FRMPD4: variants seen among roughly 807,000 people sequenced by gnomAD.
The protein encoded by FRMPD4 is FERM and PDZ domain-containing protein 4.
Under a neutral mutation model 94.1 loss-of-function variants are expected in FRMPD4, and 22 were observed. The ratio of observed to expected loss-of-function variants is 0.23; its 90% CI spans 0.17 to 0.33. The LOEUF (loss-of-function observed/expected upper bound fraction) is 0.33. FRMPD4 is among the 10% of genes least tolerant of loss of function. FRMPD4 has a pLI of 1.00. For missense variants in FRMPD4, 1,111 were observed against 1,339.9 expected, an observed-to-expected ratio of 0.83 and a Z score of 2.67; for synonymous variants, 631 against 548.6, an observed-to-expected ratio of 1.15 and a Z score of -2.10.
chrX:12,234,882 G>C (rs2057054394), intron 1 of FRMPD4, among the ~76,000 whole-genome samples: 1 of 111,673 alleles, frequency 9.0e-6, no homozygotes, highest in South Asian at 3.8e-4. Context: ...TCTAAATTTA[G>C]CTTTAAAACT....
intron 2 of FRMPD4, among the ~76,000 whole-genome samples, chrX:12,500,271 A>AT (rs1212373561): frequency 8.9e-6 from 1 of 111,846 alleles, no homozygotes; most frequent in Non-Finnish European, 1.9e-5. Flanking sequence ...TTATGGACTG[A>AT]TTAGCCAAAC....
intron 3 of FRMPD4, among the ~76,000 whole-genome samples, chrX:12,130,684 G>A (rs1257730907): frequency 9.0e-6 from 1 of 110,806 alleles, no homozygotes; most frequent in Non-Finnish European, 1.9e-5. Context: ...CTTCCTTAAA[G>A]TTCACCCTCA....
chrX:11,856,331 G>T (rs1270596088), intron 1 of FRMPD4, among the ~76,000 whole-genome samples: 1 of 111,800 alleles, frequency 8.9e-6, no homozygotes, highest in Non-Finnish European at 1.9e-5. Flanking sequence ...ACTGAAACCA[G>T]CAGCACAGCA....
chrX:11,949,624 A>C (rs1310944993), intron 3 of FRMPD4, among the ~76,000 whole-genome samples: 1 of 111,384 alleles, frequency 9.0e-6, no homozygotes, highest in Non-Finnish European at 1.9e-5. Context: ...GGGAAGTGGA[A>C]TGTTTTTCCT....
At chrX:12,521,909 T>TA (rs59419702) in intron 2 of FRMPD4, among the ~76,000 whole-genome samples, 38,802 of 101,286 alleles carry the variant, frequency 0.38, 6,297 homozygotes, top group African/African-American at 0.6. Flanking sequence ...TGAAGAAAGA[T>TA]AAAAAAAAAA....
intron 1 of FRMPD4, among the ~76,000 whole-genome samples, chrX:12,212,967 A>C (rs1016732728): frequency 1.8e-5 from 2 of 111,263 alleles, no homozygotes; most frequent in African/African-American, 6.5e-5. Flanking sequence ...TCTTTCATGT[A>C]AATTGTACCC....
chrX:12,681,979 G>A lies in FRMPD4; in HGVS notation c.469-1504G>A, dbSNP rs776752645. 2.3e-4 allele frequency among the ~76,000 whole-genome samples: 25 copies of A among 111,040 alleles called. 1 individual carries two copies. The highest frequency in any genetic ancestry group is 3.8e-4 in the Admixed American group (4 of 10,424). ...CCTCATTCTCCTCCACCCCCAGCCC[G>A]TGGCAACTACTAATCTACTTTTTGT... On this transcript the variant is annotated intron_variant, in intron 5 of 16. Coordinates refer to ENST00000675598, the MANE Select transcript of FRMPD4 (RefSeq NM_001368397.1).
intron 4 of FRMPD4, among the ~76,000 whole-genome samples, chrX:12,638,118 C>A (rs959626212): frequency 8.9e-6 from 1 of 112,413 alleles, no homozygotes; most frequent in Admixed American, 9.4e-5. Flanking sequence ...TTACACTAGA[C>A]ACACTTTTAT....
At chrX:12,344,011 T>C (rs143009524) in intron 1 of FRMPD4, among the ~76,000 whole-genome samples, 101 of 112,349 alleles carry the variant, frequency 9.0e-4, no homozygotes, top group Middle Eastern at 4.6e-3. Flanking sequence ...TTGGAAAAGG[T>C]ACTGTGTGAC....
intron 1 of FRMPD4, among the ~76,000 whole-genome samples, chrX:12,340,599 T>TC (rs754585677): frequency 3.7e-4 from 41 of 111,794 alleles, no homozygotes; most frequent in African/African-American, 1.3e-3. Context: ...TCGGCCACTG[T>TC]CCCCTACCTT....
chrX:11,907,365 C>A (rs1293040755), intron 3 of FRMPD4, among the ~76,000 whole-genome samples: 1 of 111,184 alleles, frequency 9.0e-6, no homozygotes, highest in African/African-American at 3.3e-5. Flanking sequence ...TTATTGAAAC[C>A]TGGATAGAAG....
intron 1 of FRMPD4, among the ~76,000 whole-genome samples, chrX:12,333,897 A>G (rs1416546901): frequency 8.9e-6 from 1 of 112,096 alleles, no homozygotes; most frequent in Non-Finnish European, 1.9e-5. Flanking sequence ...AGACTATACT[A>G]ATGTCCACTT....
chrX:11,988,220 G>T (rs2054443872), intron 3 of FRMPD4, among the ~76,000 whole-genome samples: 1 of 111,609 alleles, frequency 9.0e-6, no homozygotes, highest in African/African-American at 3.3e-5. Context: ...AAACAGCATG[G>T]TACTGGCATA....
intron 3 of FRMPD4, among the ~76,000 whole-genome samples, chrX:12,108,779 C>T (rs953655631): frequency 5.4e-4 from 60 of 111,594 alleles, no homozygotes; most frequent in African/African-American, 1.9e-3. Flanking sequence ...CAATGCTAGT[C>T]TCTGATAAAA....
At position 12,379,642 on chromosome X, in the gene FRMPD4, C is replaced by CGTGTGTGTGTGTGT. The variant is rs55742933; in HGVS notation, c.42-119009_42-118996dup. Among the ~76,000 whole-genome samples the CGTGTGTGTGTGTGT allele has an allele frequency of 2.0e-3, 177 of 89,969 alleles. 2 individuals carry two copies. The highest frequency in any genetic ancestry group is 2.4e-3 in the Non-Finnish European group (110 of 45,392). The allele number at this position is 89,969 out of a possible 115,157, so 78.1% of individuals were successfully genotyped here. ...AATATACATTTTATTGATATGCTGC[C>CGTGTGTGTGTGTGT]GTGTGTGTGTGTGTGTGTGTGTGTG... On this transcript the variant is annotated intron_variant, in intron 1 of 16. Transcript: ENST00000675598.
At chrX:11,844,292 C>T (rs771134588) in intron 1 of FRMPD4, among the ~76,000 whole-genome samples, 10 of 110,732 alleles carry the variant, frequency 9.0e-5, no homozygotes, top group East Asian at 2.8e-4. Flanking sequence ...CCATTGCACC[C>T]GGCCTGATAG....
At chrX:12,341,237 T>C (rs772401587) in intron 1 of FRMPD4, among the ~76,000 whole-genome samples, 2 of 111,717 alleles carry the variant, frequency 1.8e-5, no homozygotes, top group African/African-American at 3.3e-5. Context: ...AGGCATGCAA[T>C]AATATTTCAG....
At chrX:12,319,501 G>A (rs906175296) in intron 1 of FRMPD4, among the ~76,000 whole-genome samples, 3 of 111,570 alleles carry the variant, frequency 2.7e-5, no homozygotes, top group Admixed American at 1.9e-4. Flanking sequence ...GCCTTATGTT[G>A]CTACACACTC....
At chrX:12,426,561 C>G (rs1396186341) in intron 1 of FRMPD4, among the ~76,000 whole-genome samples, 3 of 111,679 alleles carry the variant, frequency 2.7e-5, no homozygotes, top group Non-Finnish European at 5.6e-5. Flanking sequence ...ATCAGGGCTG[C>G]TAACCTGAAG....
Sources: allele counts gnomAD v4.1 joint callset (sites outside exome capture counted in the v4.1 genomes callset), GRCh38; gene constraint gnomAD v4.1.1; transcripts MANE v1.5; gene names NCBI Gene and HGNC (gene_info 2026-07-23, HGNC 2026-07-21).